Variants in LYPD3 observed in about 807,000 individuals in gnomAD.
The protein encoded by LYPD3 is ly6/PLAUR domain-containing protein 3.
A neutral mutation model predicts 21.7 loss-of-function variants in LYPD3; 22 were observed. The ratio of observed to expected loss-of-function variants is 1.01; its 90% CI spans 0.72 to 1.45. The LOEUF is 1.45. Among genes scored for constraint, LYPD3 ranks in the 40% most tolerant of loss-of-function variants. LYPD3 has a pLI of 0.00. For synonymous variants in LYPD3, 179 were observed against 203.0 expected (o/e 0.88, Z 1.00); for missense variants, 471 against 466.9 (o/e 1.01, Z -0.08).
Position 43,461,253 on chromosome 19 carries a change from G to T in LYPD3, c.*98C>A. 1 of 1,385,146 alleles carries T rather than the reference G, an allele frequency of 7.2e-7. No individual in the cohort carries two copies. Among genetic ancestry groups the T allele is most frequent in the Non-Finnish European group, 9.6e-7 (1 of 1,040,450 alleles). The allele number at this position is 1,385,146 out of a possible 1,614,324, so 85.8% of individuals were successfully genotyped here. A position where few individuals can be genotyped will look rare whatever the true frequency, so the allele number is the denominator to read the frequency against. ...GGGGAATGTTGGAAAAACAGGGGCT[G>T]GGCCAGCCCAGTCCAGTGGTGGGAA... On this transcript the variant is annotated 3_prime_UTR_variant, in exon 5 of 5. Transcript: ENST00000244333.
rs141878534 is a variant in LYPD3 at position 43,463,411 on chromosome 19, G to C, written c.383-124C>G. ...GATGACCCCGCCTACTAGTAGCCCCGCCCCAGCGCGCAACCTCGCGGCGCC... is the reference window on the plus strand; with the variant it reads ...GATGACCCCGCCTACTAGTAGCCCCCCCCCAGCGCGCAACCTCGCGGCGCC... On this transcript the variant is annotated intron_variant, in intron 3 of 4. Transcript: ENST00000244333. The C allele has an allele frequency of 1.4e-5, 19 of 1,372,814 alleles. No individual in the cohort carries two copies. The East Asian group carries it at 4.7e-4, about 34-fold the overall frequency. The allele number at this position is 1,372,814 out of a possible 1,614,324, so 85.0% of individuals were successfully genotyped here.
Position 43,465,496 on chromosome 19 carries a change from C to T in LYPD3, c.76G>A (p.Gly26Arg). ...AGWLLLLLLR[G>R]GAQALECYSC... ...CCTCTCCGGGCAGCAGACCCACCTCCGCGAAGCAGCAGCAGCAGCAGCCAG... is the reference window on the plus strand; with the variant it reads ...CCTCTCCGGGCAGCAGACCCACCTCTGCGAAGCAGCAGCAGCAGCAGCCAG... The change falls in exon 1 of 5, where the codon GGA becomes AGA. Residue 26 changes from glycine to arginine, a missense_variant. Physicochemically the swap from Gly to Arg is moderately radical, Grantham distance 125. Transcript: ENST00000244333. 1.2e-6 allele frequency: 2 copies of T among 1,609,306 alleles called. No individual in the cohort carries two copies. The highest frequency in any genetic ancestry group is 2.2e-5 in the East Asian group (1 of 44,862).
intron 2 of LYPD3, 29 bp from the exon 3 acceptor site, chr19:43,463,798 C>A (rs774882537): frequency 1.2e-6 from 2 of 1,609,134 alleles, no homozygotes; most frequent in East Asian, 2.2e-5. Flanking sequence ...GCGGGATTAG[C>A]TGTGGGCGTG....
intron 4 of LYPD3, 102 bp from the exon 5 acceptor site, chr19:43,461,949 G>T: frequency 1.5e-6 from 2 of 1,304,398 alleles, no homozygotes; most frequent in South Asian, 2.8e-5. Context: ...GAACCTGACC[G>T]GGCGTGGTGG....
intron 3 of LYPD3, 94 bp downstream of exon 3, chr19:43,463,505 G>A: frequency 6.7e-7 from 1 of 1,492,840 alleles, no homozygotes. Context: ...CCCAGCCCAG[G>A]TCGAGTACTC....
chr19:43,464,513 A>G, intron 1 of LYPD3, 57 bp from the exon 2 acceptor site: 1 of 1,608,816 alleles, frequency 6.2e-7, no homozygotes, highest in East Asian at 2.2e-5. Flanking sequence ...TCCACCCCCA[A>G]GGAGAAATAG....
chr19:43,465,559 T>C lies in LYPD3; in HGVS notation c.13A>G (p.Arg5Gly). Residue 5 changes from arginine (R) to glycine (G), a missense_variant, in exon 1 of 5, where the codon AGG becomes GGG. By Grantham distance (125) the Arg-to-Gly change is moderately radical. Transcript: ENST00000244333. MDPA[R>G]KAGAQAMIWT... The stretch of plus-strand genomic sequence containing the variant: ...ATCATGGCCTGGGCACCTGCTTTCC[T>C]GGCGGGGTCCATGGCTCCGTCCTGC... 6.2e-7 allele frequency: 1 copy of C among 1,610,406 alleles called. No homozygotes were observed.
At position 43,464,398 on chromosome 19, in the gene LYPD3, C is replaced by A; in HGVS notation, c.138G>T (p.Pro46=). ...CGCACTTCACTGTCTTCATCTTGTT[C>A]GGGGAGCATCCGTCATCTGCTTTCT... ...CVQKADDGCS[P]NKMKTVKCAP... The change falls in exon 2 of 5, where the codon CCG becomes CCT. Residue 46 remains proline (P), a synonymous_variant. Transcript: ENST00000244333. 3 of 1,614,106 alleles carry A rather than the reference C, an allele frequency of 1.9e-6. No individual in the cohort carries two copies. The highest frequency in any genetic ancestry group is 1.1e-5 in the South Asian group (1 of 91,086).
chr19:43,463,285 T>C lies in LYPD3; in HGVS notation c.385A>G (p.Asn129Asp). Residue 129 changes from asparagine (N) to aspartate (D), a missense_variant and splice_region_variant, in exon 4 of 5, where the codon AAT becomes GAT. Transcript: ENST00000244333. The stretch of plus-strand genomic sequence containing the variant: ...CCGTTGGGCGGGTATGCACTCTCAT[T>C]ACCTGCGAGGGGAGCCGAGAGGAAG... ...LTSRALDPAGNESAYPPNGVE... is the reference protein window; with the variant it reads ...LTSRALDPAGDESAYPPNGVE... 6.2e-7 allele frequency: 1 copy of C among 1,601,350 alleles called. No homozygotes were observed. Among genetic ancestry groups the C allele is most frequent in the East Asian group, 2.2e-5 (1 of 44,854 alleles).
chr19:43,461,203 C>G lies in LYPD3; in HGVS notation c.*148G>C. The G allele has an allele frequency of 2.1e-6, 2 of 963,844 alleles. No individual in the cohort carries two copies. The highest frequency in any genetic ancestry group is 3.0e-6 in the Non-Finnish European group (2 of 661,250). The allele number at this position is 963,844 out of a possible 1,614,324, so 59.7% of individuals were successfully genotyped here. Reference sequence around the variant, plus strand: ...TATTTTATTTCCCAAAGCCGCAAACCAGCGCAGCAGAAGCTGGGGATACTG... The same window carrying G: ...TATTTTATTTCCCAAAGCCGCAAACGAGCGCAGCAGAAGCTGGGGATACTG... On this transcript the variant is annotated 3_prime_UTR_variant, in exon 5 of 5. Coordinates refer to ENST00000244333, the MANE Select transcript of LYPD3 (RefSeq NM_014400.3).
chr19:43,465,115 G>A (rs550340297), intron 1 of LYPD3, among the ~76,000 whole-genome samples: 1 of 151,834 alleles, frequency 6.6e-6, no homozygotes. Context: ...TTTTAGTAGA[G>A]ACAGGGTTTC....
rs957159400 is a variant in LYPD3 at position 43,461,932 on chromosome 19, G to C, written c.545-85C>G. ...AACAAAACTTAGAGGCATCAGACAAGAACAGAGAACCTGACCGGGCGTGGT... is the reference window on the plus strand; with the variant it reads ...AACAAAACTTAGAGGCATCAGACAACAACAGAGAACCTGACCGGGCGTGGT... On this transcript the variant is annotated intron_variant, in intron 4 of 4. Transcript: ENST00000244333. The C allele has an allele frequency of 4.8e-6, 7 of 1,460,454 alleles. No individual in the cohort carries two copies. The Admixed American group carries it at 1.0e-4, about 21-fold the overall frequency. The allele number at this position is 1,460,454 out of a possible 1,614,324, so 90.5% of individuals were successfully genotyped here. A position where few individuals can be genotyped will look rare whatever the true frequency, so the allele number is the denominator to read the frequency against.
intron 4 of LYPD3, among the ~76,000 whole-genome samples, chr19:43,462,614 G>A (rs910785149): frequency 1.3e-5 from 2 of 151,984 alleles, no homozygotes; most frequent in South Asian, 2.1e-4. Flanking sequence ...CTATGATTGC[G>A]CCACTACACT....
chr19:43,461,589 G>T lies in LYPD3; in HGVS notation c.803C>A (p.Thr268Asn), dbSNP rs758949493. The T allele has an allele frequency of 4.3e-6, 7 of 1,614,066 alleles. No homozygotes were observed. Among genetic ancestry groups the T allele is most frequent in the Non-Finnish European group, 5.9e-6 (7 of 1,180,028 alleles). ...GGTTGGCGCTGGCATGGGTTTGGTG[G>T]TGGATGTGGGTCTCACTGGGGCCGA... ...STSAPVRPTS[T>N]TKPMPAPTSQ... The change falls in exon 5 of 5, where the codon ACC (threonine) becomes AAC (asparagine). Residue 268 changes from threonine to asparagine, a missense_variant. By Grantham distance (65) the Thr-to-Asn change is moderately conservative. Transcript: ENST00000244333.
intron 1 of LYPD3, 122 bp from the exon 2 acceptor site, chr19:43,464,578 C>T (rs903350083): frequency 2.2e-5 from 29 of 1,322,278 alleles, no homozygotes; most frequent in Non-Finnish European, 2.7e-5. Flanking sequence ...CACACTTTTC[C>T]AGGGCAGGAG....
chr19:43,464,358 C>T lies in LYPD3; in HGVS notation c.178G>A (p.Val60Ile), dbSNP rs144806375. 3.1e-6 allele frequency: 5 copies of T among 1,613,366 alleles called. No individual in the cohort carries two copies. Among genetic ancestry groups the T allele is most frequent in the South Asian group, 2.2e-5 (2 of 90,968 alleles). ...ACCGCCCCCACGGCCTCGGTGCAGA[C>T]GTCCACGCCCGGCGCGCACTTCACT... ...KTVKCAPGVD[V>I]CTEAVGAVET... Residue 60 changes from valine to isoleucine, a missense_variant, in exon 2 of 5, where the codon GTC (valine) becomes ATC (isoleucine). Coordinates refer to ENST00000244333, the MANE Select transcript of LYPD3 (RefSeq NM_014400.3).
chr19:43,461,476 G>A lies in LYPD3; in HGVS notation c.916C>T (p.Arg306Cys), dbSNP rs779677919. Residue 306 changes from arginine to cysteine, a missense_variant, in exon 5 of 5, where the codon CGC becomes TGC. Physicochemically the swap from Arg to Cys is radical, Grantham distance 180 (BLOSUM62 -3). Coordinates refer to ENST00000244333, the MANE Select transcript of LYPD3 (RefSeq NM_014400.3). ...LTGGAAGHQD[R>C]SNSGQYPAKG... ...GCAGGATACTGCCCTGAATTGCTGC[G>A]GTCCTGGTGGCCAGCGGCGCCTCCA... is the stretch of plus-strand genomic sequence containing the variant. 13 of 1,614,144 alleles carry A rather than the reference G, an allele frequency of 8.1e-6. No homozygotes were observed. Among genetic ancestry groups the A allele is most frequent in the Non-Finnish European group, 1.0e-5 (12 of 1,180,038 alleles).
In LYPD3 at chr19:43,461,445, C is replaced by A. The variant is rs935926642; in HGVS notation, c.947G>T (p.Gly316Val). 1 of 1,614,070 alleles carries A rather than the reference C, an allele frequency of 6.2e-7. No homozygotes were observed. The highest frequency in any genetic ancestry group is 1.3e-5 in the African/African-American group (1 of 74,942). ...RSNSGQYPAK[G>V]GPQQPHNKGC... The stretch of plus-strand genomic sequence containing the variant: ...TTTATTATGGGGCTGCTGGGGCCCC[C>A]CTTTTGCAGGATACTGCCCTGAATT... Residue 316 changes from glycine to valine, a missense_variant, in exon 5 of 5, where the codon GGG becomes GTG. Physicochemically the swap from Gly to Val is moderately radical, Grantham distance 109. Transcript: ENST00000244333.
At chr19:43,464,100 C>G in intron 2 of LYPD3, 1 of 683,004 alleles carries the variant, frequency 1.5e-6, no homozygotes, top group Non-Finnish European at 2.4e-6. Flanking sequence ...CCCGAGCTCT[C>G]CCCGTCCGCC....
Sources: allele counts gnomAD v4.1 joint callset (sites outside exome capture counted in the v4.1 genomes callset), GRCh38; gene constraint gnomAD v4.1.1; transcripts MANE v1.5; gene names NCBI Gene and HGNC (gene_info 2026-07-23, HGNC 2026-07-21).